GSN: variants seen among roughly 807,000 people sequenced by gnomAD.
The protein encoded by GSN is gelsolin.
GSN carries 56 observed loss-of-function variants against 85.7 expected under a neutral mutation model. That is an observed-to-expected ratio of 0.65 (90% CI 0.53 to 0.82). GSN has a LOEUF of 0.82. GSN is among the 40% of genes least tolerant of loss of function. The pLI is 0.00. For missense variants in GSN, 857 were observed against 979.8 expected, an observed-to-expected ratio of 0.87 and a Z score of 1.67; for synonymous variants, 373 against 399.1, an observed-to-expected ratio of 0.93 and a Z score of 0.78.
chr9:121,295,544 T>G (rs1346210917), intron 2 of GSN, among the ~76,000 whole-genome samples: 1 of 152,172 alleles, frequency 6.6e-6, no homozygotes, highest in African/African-American at 2.4e-5. Context: ...CAAGGCCTTT[T>G]TGTACACTGT....
At chr9:121,266,027 A>G (rs1045465950), upstream of GSN, among the ~76,000 whole-genome samples, 5 of 152,160 alleles carry the variant, frequency 3.3e-5, no homozygotes, top group African/African-American at 9.7e-5. Context: ...CATCATCATC[A>G]TTATCTTCAT....
chr9:121,312,249 G>GCACACCA, intron 5 of GSN, 90 bp from the exon 6 acceptor site: 1 of 1,416,106 alleles, frequency 7.1e-7, no homozygotes, highest in African/African-American at 1.4e-5. Context: ...GGGTGAGCCT[G>GCACACCA]CACACCACAC....
At position 121,326,185 on chromosome 9, in the gene GSN, C is replaced by T. The variant is rs905293169; in HGVS notation, c.1417-327C>T. Among the ~76,000 whole-genome samples, 9 of 151,226 alleles carry T rather than the reference C, an allele frequency of 6.0e-5. 1 individual carries two copies. Among genetic ancestry groups the T allele is most frequent in the African/African-American group, 2.2e-4 (9 of 41,054 alleles). ...GACGTCAGCATTCTGGAAGAATGTC[C>T]ACCAGCAATCCCTGTGCTTCTATTT... On this transcript the variant is annotated intron_variant, in intron 12 of 17. Coordinates refer to ENST00000432226, the MANE Select transcript of GSN (RefSeq NM_198252.3).
At chr9:121,222,894 TGGGGGG>T (rs58009528) in intron 4 of GSN, 6 of 150,278 alleles carry the variant, frequency 4.0e-5, no homozygotes, top group African/African-American at 1.5e-4. Context: ...ACCTTGGACT[TGGGGGG>T]GGGTCTTACA....
In GSN at chr9:121,326,553, C is replaced by T; in HGVS notation, c.1458C>T (p.Ser486=). 1.2e-6 allele frequency: 2 copies of T among 1,614,066 alleles called. No homozygotes were observed. Among genetic ancestry groups the T allele is most frequent in the South Asian group, 1.1e-5 (1 of 91,072 alleles). The part of the protein sequence containing the change: ...VQGKEPAHLM[S]LFGGKPMIIY... Reference sequence around the variant, plus strand: ...GCAAGGAGCCCGCCCACCTCATGAGCCTGTTTGGTGGGAAGCCCATGATCA... The same window carrying T: ...GCAAGGAGCCCGCCCACCTCATGAGTCTGTTTGGTGGGAAGCCCATGATCA... Residue 486 remains serine (S), a synonymous_variant, in exon 13 of 18, where the codon AGC becomes AGT. Transcript: ENST00000432226.
intron 3 of GSN, 149 bp downstream of exon 3, chr9:121,302,316 G>T: frequency 3.4e-6 from 3 of 883,750 alleles, no homozygotes; most frequent in South Asian, 2.8e-5. Context: ...AGACGCTAGA[G>T]CCAGCCTGGC....
chr9:121,255,090 A>G (rs1280213137), intron 6 of GSN, among the ~76,000 whole-genome samples: 2 of 152,006 alleles, frequency 1.3e-5, no homozygotes, highest in Admixed American at 1.3e-4. Flanking sequence ...CTGGGACTAC[A>G]GGCGCCCGCC....
Position 121,293,952 on chromosome 9 carries a change from A to G in GSN, c.-9-8011A>G, listed in dbSNP as rs2058957703. The stretch of plus-strand genomic sequence containing the variant: ...TGAGGAAACGGAGGCTCAGAGAGCC[A>G]AAACAACTTGCTCAAAGCCACACTG... On this transcript the variant is annotated intron_variant, in intron 2 of 17. Coordinates refer to ENST00000432226, the MANE Select transcript of GSN (RefSeq NM_198252.3). 8.6e-5 allele frequency among the ~76,000 whole-genome samples: 11 copies of G among 127,790 alleles called. No individual in the cohort carries two copies. In the Admixed American group the frequency reaches 8.9e-4, roughly 10 times the overall value. The allele number at this position is 127,790 out of a possible 152,430, so 83.8% of individuals were successfully genotyped here.
chr9:121,317,300 CG>C (rs2061833203), intron 8 of GSN, 82 bp downstream of exon 8: 3 of 1,469,872 alleles, frequency 2.0e-6, no homozygotes, highest in East Asian at 2.3e-5. Flanking sequence ...ACTCAGCTCC[CG>C]GGGAGTGTGG....
chr9:121,332,785 A>G lies in GSN; in HGVS notation c.*182A>G. On this transcript the variant is annotated 3_prime_UTR_variant, in exon 18 of 18. Transcript: ENST00000432226. This position sits in a 1 kb window ranked among gnomAD's most constrained non-coding sequence, Gnocchi z 4.8. ...TGCAAAAATTCAGAGTCCTTGCAAA[A>G]TTGTCTAAAATGTCAGTGTTTGGGA... The G allele has an allele frequency of 1.7e-6, 1 of 592,688 alleles. No individual in the cohort carries two copies. Among genetic ancestry groups the G allele is most frequent in the Non-Finnish European group, 3.0e-6 (1 of 334,874 alleles). 36.7% of individuals were successfully genotyped at this position (592,688 alleles called of 1,614,324 possible).
the GSN span, chr9:121,201,528 G>C: frequency 6.6e-6 from 1 of 152,350 alleles, no homozygotes; most frequent in Non-Finnish European, 1.5e-5. Context: ...GCCTGGCCCC[G>C]GGGCGCCGCC....
At position 121,311,138 on chromosome 9, in the gene GSN, C is replaced by A. The variant is rs74729324; in HGVS notation, c.513+293C>A. 1.5e-3 allele frequency: 666 copies of A among 448,950 alleles called. 7 individuals carry two copies. In the East Asian group the frequency reaches 0.024, roughly 16 times the overall value. 27.8% of individuals were successfully genotyped at this position (448,950 alleles called of 1,614,324 possible). A position where few individuals can be genotyped will look rare whatever the true frequency, so the allele number is the denominator to read the frequency against. On this transcript the variant is annotated intron_variant, in intron 5 of 17. Transcript: ENST00000432226. Reference sequence around the variant, plus strand: ...CTTATAAATATATAACAGTCATGGGCAAACACTCTGGGCTTTTGCCCACCA... The same window carrying A: ...CTTATAAATATATAACAGTCATGGGAAAACACTCTGGGCTTTTGCCCACCA...
intron 5 of GSN, among the ~76,000 whole-genome samples, chr9:121,231,851 G>A (rs925637517): frequency 4.6e-5 from 7 of 152,120 alleles, no homozygotes; most frequent in African/African-American, 1.2e-4. Context: ...GTGCCAAAGC[G>A]GTCTCAGGAG....
At chr9:121,275,095 C>G (rs1475299305) in intron 1 of GSN, among the ~76,000 whole-genome samples, 1 of 152,176 alleles carries the variant, frequency 6.6e-6, no homozygotes. Context: ...CTCAGCTGTC[C>G]TTTTATAGAA....
At chr9:121,265,365 A>G (rs1249252162), upstream of GSN, 1 of 152,260 alleles carries the variant, frequency 6.6e-6, no homozygotes, top group Non-Finnish European at 1.5e-5. Context: ...ATACGATGGA[A>G]GATGGCCACC....
intron 7 of GSN, among the ~76,000 whole-genome samples, chr9:121,315,505 T>C (rs565849647): frequency 6.6e-5 from 10 of 152,326 alleles, no homozygotes; most frequent in Admixed American, 3.9e-4. Context: ...GGCTCACCCC[T>C]GTAATCCCAG....
intron 6 of GSN, chr9:121,312,825 G>T (rs1564525968): frequency 1.1e-5 from 2 of 178,576 alleles, no homozygotes; most frequent in Non-Finnish European, 1.2e-5. Flanking sequence ...ATGAGGTCTT[G>T]CCATGTCGCT....
At chr9:121,311,251 A>T in intron 5 of GSN, 1 of 283,262 alleles carries the variant, frequency 3.5e-6, no homozygotes, top group Non-Finnish European at 6.9e-6. Context: ...TCATACATGT[A>T]GTTGCACATG....
Position 121,301,799 on chromosome 9 carries a change from C to T in GSN, c.-9-164C>T, listed in dbSNP as rs773795108. Reference sequence around the variant, plus strand: ...AAAACTCTTGCCCTGTTTGCTGACTCGTTGAGACAGGGTGCCCAGAAGGGG... The same window carrying T: ...AAAACTCTTGCCCTGTTTGCTGACTTGTTGAGACAGGGTGCCCAGAAGGGG... On this transcript the variant is annotated intron_variant, in intron 2 of 17. Coordinates refer to ENST00000432226, the MANE Select transcript of GSN (RefSeq NM_198252.3). 5.7e-5 allele frequency: 61 copies of T among 1,061,820 alleles called. No homozygotes were observed. In the Middle Eastern group the frequency reaches 1.2e-3, roughly 21 times the overall value. 65.8% of individuals were successfully genotyped at this position (1,061,820 alleles called of 1,614,324 possible).
Sources: gnomAD v4.1 joint callset for allele counts (sites outside exome capture counted in the v4.1 genomes callset) on GRCh38, gnomAD v4.1.1 for gene constraint, Gnocchi (gnomAD v3.1) non-coding constraint, MANE v1.5 for transcripts, NCBI Gene and HGNC (gene_info 2026-07-23, HGNC 2026-07-21) for gene names.